CAMKMT: variants seen among roughly 807,000 people sequenced by gnomAD.
CAMKMT encodes calmodulin-lysine N-methyltransferase.
CAMKMT carries 53 observed loss-of-function variants against 48.0 expected under a neutral mutation model. The observed-to-expected ratio is 1.10, with a 90% CI of 0.89 to 1.39. The LOEUF (loss-of-function observed/expected upper bound fraction) is 1.39, where lower values mean the gene tolerates loss of function less well. Ranked by LOEUF, CAMKMT falls within the 40% of genes most tolerant of loss-of-function variation. CAMKMT has a pLI of 0.00. For missense variants in CAMKMT, 428 were observed against 402.7 expected, an observed-to-expected ratio of 1.06 and a Z score of -0.54; for synonymous variants, 165 against 152.3, an observed-to-expected ratio of 1.08 and a Z score of -0.61.
intron 10 of CAMKMT, 135 bp downstream of exon 10, chr2:44,766,696 A>G (rs1680856208): frequency 1.1e-6 from 1 of 908,422 alleles, no homozygotes; most frequent in Admixed American, 2.9e-5. Flanking sequence ...AGCTATTTGT[A>G]TCTGATTATT....
At chr2:44,466,512 A>G (rs1433501435) in intron 3 of CAMKMT, among the ~76,000 whole-genome samples, 1 of 152,180 alleles carries the variant, frequency 6.6e-6, no homozygotes, top group African/African-American at 2.4e-5. Flanking sequence ...AACTTACGGA[A>G]TGCAGCAAAA....
chr2:44,766,488 T>C lies in CAMKMT; in HGVS notation c.821T>C (p.Leu274Pro), dbSNP rs778312401. 6.2e-7 allele frequency: 1 copy of C among 1,614,184 alleles called. No individual in the cohort carries two copies. Among genetic ancestry groups the C allele is most frequent in the South Asian group, 1.1e-5 (1 of 91,092 alleles). The change falls in exon 10 of 11, where the codon CTA becomes CCA. Residue 274 changes from leucine (L) to proline (P), a missense_variant. Coordinates refer to ENST00000378494, the MANE Select transcript of CAMKMT (RefSeq NM_024766.5). Reference sequence around the variant, plus strand: ...AATACTTTAAACCAGTTTTGCAATCTAGCTGAAAAAGCTGGTTTCTGTATC... The same window carrying C: ...AATACTTTAAACCAGTTTTGCAATCCAGCTGAAAAAGCTGGTTTCTGTATC... ...RGNTLNQFCNLAEKAGFCIQR... is the reference protein window; with the variant it reads ...RGNTLNQFCNPAEKAGFCIQR...
chr2:44,499,748 T>C (rs1669920192), intron 3 of CAMKMT, among the ~76,000 whole-genome samples: 1 of 152,202 alleles, frequency 6.6e-6, no homozygotes, highest in Admixed American at 6.5e-5. Flanking sequence ...TTATGATTTC[T>C]GTGTTGTAGA....
intron 3 of CAMKMT, among the ~76,000 whole-genome samples, chr2:44,689,776 G>C (rs1296573399): frequency 6.6e-6 from 1 of 152,134 alleles, no homozygotes; most frequent in Non-Finnish European, 1.5e-5. Context: ...CATAGGCCCA[G>C]ATAGCTCACA....
At chr2:44,374,889 G>A (rs1411069270) in intron 2 of CAMKMT, among the ~76,000 whole-genome samples, 1 of 152,116 alleles carries the variant, frequency 6.6e-6, no homozygotes, top group Admixed American at 6.5e-5. Flanking sequence ...CAGTACTTTG[G>A]GAGGCCGAAG....
intron 1 of CAMKMT, among the ~76,000 whole-genome samples, chr2:44,362,715 C>A (rs1369678717): frequency 2.0e-5 from 3 of 152,182 alleles, no homozygotes; most frequent in African/African-American, 7.2e-5. Flanking sequence ...AAATGATTAT[C>A]TTGTAGTTTG....
chr2:44,554,373 G>A (rs1380784322), intron 3 of CAMKMT, among the ~76,000 whole-genome samples: 1 of 152,154 alleles, frequency 6.6e-6, no homozygotes, highest in Non-Finnish European at 1.5e-5. Flanking sequence ...TTGACTATGG[G>A]TCTTGGACAA....
At chr2:44,480,712 G>C (rs530367228) in intron 3 of CAMKMT, among the ~76,000 whole-genome samples, 1 of 152,078 alleles carries the variant, frequency 6.6e-6, no homozygotes, top group Non-Finnish European at 1.5e-5. Flanking sequence ...AACGTATTTT[G>C]AAGGGAATAG....
At chr2:44,647,309 A>G (rs1458733851) in intron 3 of CAMKMT, among the ~76,000 whole-genome samples, 1 of 152,004 alleles carries the variant, frequency 6.6e-6, no homozygotes, top group Non-Finnish European at 1.5e-5. Flanking sequence ...TTTTTCAGTT[A>G]CCCCTTTTCG....
At chr2:44,635,993 T>C (rs1371929318) in intron 3 of CAMKMT, among the ~76,000 whole-genome samples, 1 of 152,214 alleles carries the variant, frequency 6.6e-6, no homozygotes, top group Non-Finnish European at 1.5e-5. Context: ...TTTTCATACA[T>C]AGGCCATGCT....
chr2:44,479,357 T>A (rs1015039013), intron 3 of CAMKMT, among the ~76,000 whole-genome samples: 2 of 152,238 alleles, frequency 1.3e-5, no homozygotes, highest in East Asian at 3.8e-4. Context: ...GGAACAACTT[T>A]GTGAAACTGT....
At chr2:44,418,192 CAAAA>C (rs70965353) in intron 3 of CAMKMT, among the ~76,000 whole-genome samples, 4 of 118,888 alleles carry the variant, frequency 3.4e-5, no homozygotes, top group Admixed American at 8.6e-5. Flanking sequence ...AACTCTGTCT[CAAAA>C]AAAAAAAAAA....
chr2:44,565,805 T>A (rs368275292), intron 3 of CAMKMT, among the ~76,000 whole-genome samples: 11 of 152,332 alleles, frequency 7.2e-5, no homozygotes, highest in Admixed American at 3.3e-4. Context: ...GATCAATTAC[T>A]GGGCAGGGCA....
rs1679493741 is a variant in CAMKMT, at chr2:44,738,629, T to C, written c.624-4993T>C. Among the ~76,000 whole-genome samples, 4 of 152,302 alleles carry C rather than the reference T, an allele frequency of 2.6e-5. No homozygotes were observed. In the South Asian group the frequency reaches 8.3e-4, roughly 32 times the overall value. ...GACTATTCTAGACATTGGAAATACA[T>C]CACTGTACAAAACAGATTTTAAAAA... On this transcript the variant is annotated intron_variant, in intron 7 of 10. Coordinates refer to ENST00000378494, the MANE Select transcript of CAMKMT (RefSeq NM_024766.5).
chr2:44,649,775 C>T lies in CAMKMT; in HGVS notation c.377-54508C>T, dbSNP rs567162451. On this transcript the variant is annotated intron_variant, in intron 3 of 10. Coordinates refer to ENST00000378494, the MANE Select transcript of CAMKMT (RefSeq NM_024766.5). The stretch of plus-strand genomic sequence containing the variant: ...ACCCATTCCTGCTCTCCTGTCCTTA[C>T]CCTGTGGCTTTCATTCTTAGTATCA... Among the ~76,000 whole-genome samples, 15 of 152,308 alleles carry T rather than the reference C, an allele frequency of 9.8e-5. No homozygotes were observed. The South Asian group carries it at 2.9e-3, about 29-fold the overall frequency.
chr2:44,647,610 A>G (rs62132335), intron 3 of CAMKMT, among the ~76,000 whole-genome samples: 6,022 of 152,074 alleles, frequency 0.04, 172 homozygotes, highest in Non-Finnish European at 0.064. Flanking sequence ...AAATTTGTGA[A>G]TATTGAAACT....
intron 3 of CAMKMT, among the ~76,000 whole-genome samples, chr2:44,470,881 C>T (rs1016454175): frequency 1.3e-5 from 2 of 151,524 alleles, no homozygotes; most frequent in African/African-American, 4.9e-5. Flanking sequence ...GTTCTTTTGT[C>T]AGTTTATCTG....
At chr2:44,532,468 G>A (rs1666538221) in intron 3 of CAMKMT, among the ~76,000 whole-genome samples, 1 of 152,192 alleles carries the variant, frequency 6.6e-6, no homozygotes, top group South Asian at 2.1e-4. Flanking sequence ...ATTTAGACCT[G>A]TGTCACAGAC....
chr2:44,647,412 G>C (rs1227386888), intron 3 of CAMKMT, among the ~76,000 whole-genome samples: 2 of 152,102 alleles, frequency 1.3e-5, no homozygotes, highest in East Asian at 3.9e-4. Context: ...GAAGTGCAGT[G>C]AACAATCACC....
Sources: gnomAD v4.1 joint callset for allele counts (sites outside exome capture counted in the v4.1 genomes callset) on GRCh38, gnomAD v4.1.1 for gene constraint, MANE v1.5 for transcripts, NCBI Gene and HGNC (gene_info 2026-07-23, HGNC 2026-07-21) for gene names.